Variants in TENM4 observed in about 807,000 individuals in gnomAD.
TENM4 encodes teneurin-4.
In TENM4, 82 loss-of-function variants were observed where a neutral mutation model predicts 243.3. The ratio of observed to expected loss-of-function variants is 0.34; its 90% confidence interval spans 0.28 to 0.40. The LOEUF (loss-of-function observed/expected upper bound fraction) is 0.40. Ranked by LOEUF, TENM4 falls within the 10% of genes least tolerant of loss-of-function variation. The pLI, the probability that TENM4 is intolerant of heterozygous loss-of-function variation, is 1.00. For missense variants in TENM4, 3,138 were observed against 3,673.3 expected, an observed-to-expected ratio of 0.85 and a Z score of 3.77; for synonymous variants, 1,412 against 1,456.3, an observed-to-expected ratio of 0.97 and a Z score of 0.69.
At chr11:79,222,209 A>G (rs1460510178) in intron 2 of TENM4, among the ~76,000 whole-genome samples, 3 of 152,286 alleles carry the variant, frequency 2.0e-5, no homozygotes, top group African/African-American at 7.2e-5. Flanking sequence ...GCACCAGTGT[A>G]AGAGAAAAGA....
intron 6 of TENM4, among the ~76,000 whole-genome samples, chr11:79,050,694 C>G (rs993117652): frequency 1.3e-5 from 2 of 152,188 alleles, no homozygotes; most frequent in African/African-American, 2.4e-5. Context: ...AGTTTAGGTA[C>G]TACACAAACT....
intron 1 of TENM4, among the ~76,000 whole-genome samples, chr11:79,350,355 A>G (rs556844441): frequency 6.2e-4 from 95 of 152,038 alleles, no homozygotes; most frequent in Non-Finnish European, 1.2e-3. Context: ...CTCTACTGCT[A>G]ACACCTTAGT....
At chr11:78,753,136 G>C (rs1369337566) in intron 19 of TENM4, among the ~76,000 whole-genome samples, 1 of 152,142 alleles carries the variant, frequency 6.6e-6, no homozygotes, top group Non-Finnish European at 1.5e-5. Context: ...TTTAATCTTG[G>C]TCTGTCAGAT....
chr11:78,756,540 G>C, intron 19 of TENM4: 1 of 451,344 alleles, frequency 2.2e-6, no homozygotes, highest in East Asian at 4.4e-5. Context: ...GATTCCCCTT[G>C]GACCTTTGGT....
chr11:79,075,166 T>C (rs1860509598), intron 4 of TENM4, among the ~76,000 whole-genome samples: 1 of 152,252 alleles, frequency 6.6e-6, no homozygotes, highest in Admixed American at 6.5e-5. Flanking sequence ...GTGCTTGAGA[T>C]GATTTCATTT....
chr11:78,713,040 TAAG>T (rs892460533), intron 25 of TENM4, among the ~76,000 whole-genome samples: 1 of 152,194 alleles, frequency 6.6e-6, no homozygotes, highest in Non-Finnish European at 1.5e-5. Context: ...CACGTTTTCT[TAAG>T]AAGATGATCA....
At chr11:78,863,827 C>A (rs1002040331) in intron 9 of TENM4, among the ~76,000 whole-genome samples, 2 of 152,160 alleles carry the variant, frequency 1.3e-5, no homozygotes, top group African/African-American at 4.8e-5. Context: ...CATAAAGCTT[C>A]CAATTCTAGA....
chr11:78,915,257 C>T (rs1486549284), intron 6 of TENM4, among the ~76,000 whole-genome samples: 1 of 152,184 alleles, frequency 6.6e-6, no homozygotes, highest in Non-Finnish European at 1.5e-5. Context: ...TCCAGGAAGC[C>T]TTCTCTGACC....
intron 2 of TENM4, among the ~76,000 whole-genome samples, chr11:79,292,065 G>A (rs1403992373): frequency 6.6e-6 from 1 of 152,124 alleles, no homozygotes; most frequent in African/African-American, 2.4e-5. Context: ...TTCACTAAGA[G>A]CACATGTTGC....
rs1857849800 is a variant in TENM4 at position 78,654,797 on chromosome 11, T to G, written c.*3261A>C. On this transcript the variant is annotated 3_prime_UTR_variant, in exon 34 of 34. Coordinates refer to ENST00000278550, the MANE Select transcript of TENM4 (RefSeq NM_001098816.3). ...CAGTCTGCCCTCCAGCAATGTCTGT[T>G]TGGGGTGTGGGGGGGTGGGATAAAA... 1.3e-5 allele frequency: 2 copies of G among 151,054 alleles called. No homozygotes were observed. The highest frequency in any genetic ancestry group is 2.4e-5 in the African/African-American group (1 of 41,236). 9.4% of individuals were successfully genotyped at this position (151,054 alleles called of 1,614,324 possible).
intron 27 of TENM4, among the ~76,000 whole-genome samples, chr11:78,705,254 A>T (rs1166962713): frequency 6.6e-6 from 1 of 152,200 alleles, no homozygotes; most frequent in African/African-American, 2.4e-5. Flanking sequence ...TCGTTCCTTG[A>T]TGGGAAGACT....
intron 32 of TENM4, among the ~76,000 whole-genome samples, chr11:78,661,931 A>G (rs370985461): frequency 1.5e-4 from 23 of 152,270 alleles, no homozygotes; most frequent in African/African-American, 5.1e-4. Flanking sequence ...TTTCACCCCA[A>G]CATCCATAGG....
chr11:78,880,523 G>T (rs1397128956), intron 9 of TENM4, among the ~76,000 whole-genome samples: 2 of 145,784 alleles, frequency 1.4e-5, no homozygotes, highest in East Asian at 3.9e-4. Flanking sequence ...AAGGCAGAAG[G>T]ACATAAAGCT....
At chr11:79,274,071 T>C (rs1856013509) in intron 2 of TENM4, among the ~76,000 whole-genome samples, 1 of 152,172 alleles carries the variant, frequency 6.6e-6, no homozygotes, top group South Asian at 2.1e-4. Flanking sequence ...GAGCCTGAGA[T>C]GCTGAAATGG....
intron 6 of TENM4, among the ~76,000 whole-genome samples, chr11:78,995,550 A>G (rs943240955): frequency 6.6e-6 from 1 of 152,242 alleles, no homozygotes; most frequent in African/African-American, 2.4e-5. Flanking sequence ...ACACTTACAA[A>G]CAAATGCTAT....
intron 4 of TENM4, among the ~76,000 whole-genome samples, chr11:79,135,818 C>T (rs1862100068): frequency 7.0e-6 from 1 of 143,436 alleles, no homozygotes; most frequent in Non-Finnish European, 1.5e-5. Flanking sequence ...ATATATATTC[C>T]ATCATATATA....
At chr11:78,750,865 G>A (rs141829292) in intron 19 of TENM4, among the ~76,000 whole-genome samples, 2 of 151,948 alleles carry the variant, frequency 1.3e-5, no homozygotes, top group East Asian at 3.9e-4. Context: ...GTGTGTGTGT[G>A]TGTGTGTGTG....
chr11:79,182,116 A>T (rs1863294542), intron 3 of TENM4, among the ~76,000 whole-genome samples: 1 of 152,302 alleles, frequency 6.6e-6, no homozygotes, highest in Admixed American at 6.5e-5. Flanking sequence ...TATAGACAGC[A>T]AAAGATCCAT....
chr11:78,879,191 C>T (rs561985753), intron 9 of TENM4, among the ~76,000 whole-genome samples: 15 of 146,022 alleles, frequency 1.0e-4, no homozygotes, highest in South Asian at 6.6e-4. Context: ...TCTGCCCAGC[C>T]GCCACCCCGT....
Sources: allele counts gnomAD v4.1 joint callset (sites outside exome capture counted in the v4.1 genomes callset), GRCh38; gene constraint gnomAD v4.1.1; transcripts MANE v1.5; gene names NCBI Gene and HGNC (gene_info 2026-07-23, HGNC 2026-07-21).